The following SHANK2 variants were observed in gnomAD, a reference collection of about 807,000 sequenced individuals.
SHANK2 encodes SH3 and multiple ankyrin repeat domains protein 2.
In SHANK2, 43 loss-of-function variants were observed where a neutral mutation model predicts 133.7. The ratio of observed to expected loss-of-function variants is 0.32; its 90% CI spans 0.25 to 0.41. The LOEUF is 0.41. SHANK2 is among the 10% of genes least tolerant of loss of function. The pLI is 1.00. For missense variants in SHANK2, 1,994 were observed against 2,235.8 expected (o/e 0.89, Z 2.18); for synonymous variants, 1,017 against 952.8 (o/e 1.07, Z -1.24).
rs995951191 is a variant in SHANK2 at position 71,070,918 on chromosome 11, C to T, written c.1029+4241G>A. Among the ~76,000 whole-genome samples, 126 of 152,252 alleles carry T rather than the reference C, an allele frequency of 8.3e-4. 1 individual carries two copies. Among genetic ancestry groups the T allele is most frequent in the Admixed American group, 4.6e-4 (7 of 15,294 alleles). On this transcript the variant is annotated intron_variant, in intron 9 of 25. Transcript: ENST00000601538. The stretch of plus-strand genomic sequence containing the variant: ...AGCCAGCTTGGGACCCTCCTGGAGC[C>T]GGCAGCTGAGGCATAGGACAGATAT...
At chr11:70,833,748 G>A (rs1327660164) in intron 11 of SHANK2, among the ~76,000 whole-genome samples, 6 of 152,234 alleles carry the variant, frequency 3.9e-5, no homozygotes, top group Admixed American at 1.3e-4. Context: ...GTTTATTATT[G>A]CTGACTGTTC....
intron 17 of SHANK2, among the ~76,000 whole-genome samples, chr11:70,531,333 G>C (rs1360289846): frequency 6.6e-6 from 1 of 152,232 alleles, no homozygotes; most frequent in African/African-American, 2.4e-5. Context: ...TGTGCTGGGG[G>C]CTGGTGGTGG....
chr11:70,722,515 T>G (rs558411312), intron 14 of SHANK2, among the ~76,000 whole-genome samples: 1 of 152,370 alleles, frequency 6.6e-6, no homozygotes, highest in East Asian at 1.9e-4. Context: ...GATTGTTTTT[T>G]CTGACTGCAT....
At position 70,709,209 on chromosome 11, in the gene SHANK2, T is replaced by TCAAAA. The variant is rs560025660; in HGVS notation, c.1778-10451_1778-10447dup. Among the ~76,000 whole-genome samples, 38 of 152,254 alleles carry TCAAAA rather than the reference T, an allele frequency of 2.5e-4. 1 individual carries two copies. The highest frequency in any genetic ancestry group is 3.4e-3 in the Middle Eastern group (1 of 294). On this transcript the variant is annotated intron_variant, in intron 14 of 25. Transcript: ENST00000601538. The stretch of plus-strand genomic sequence containing the variant: ...CTGGGTGGCAGAGTGAGAACCTGTC[T>TCAAAA]CAAAACAAAACAAAACAAAACATAC...
chr11:70,766,814 C>T (rs1171299598), intron 14 of SHANK2, among the ~76,000 whole-genome samples: 2 of 152,178 alleles, frequency 1.3e-5, no homozygotes, highest in Non-Finnish European at 1.5e-5. Context: ...TTCCAATCAG[C>T]GATCATTTTG....
At chr11:70,944,118 C>CA (rs1950686121) in intron 10 of SHANK2, among the ~76,000 whole-genome samples, 1 of 152,244 alleles carries the variant, frequency 6.6e-6, no homozygotes, top group Admixed American at 6.5e-5. Flanking sequence ...GAGTATATAA[C>CA]AGCTACGTTT....
chr11:70,677,991 T>A (rs533922433), intron 15 of SHANK2, among the ~76,000 whole-genome samples: 1 of 152,300 alleles, frequency 6.6e-6, no homozygotes, highest in East Asian at 1.9e-4. Flanking sequence ...CCAGTTCATT[T>A]ATTTTGTTAG....
intron 15 of SHANK2, among the ~76,000 whole-genome samples, chr11:70,692,520 G>A (rs1555021281): frequency 6.6e-6 from 1 of 152,188 alleles, no homozygotes; most frequent in Non-Finnish European, 1.5e-5. Context: ...TAGGACCGGT[G>A]ATTTCTCAGC....
At chr11:70,580,224 GGTCATTAATAA>G (rs1292471759) in intron 17 of SHANK2, among the ~76,000 whole-genome samples, 3 of 152,212 alleles carry the variant, frequency 2.0e-5, no homozygotes, top group Non-Finnish European at 2.9e-5. Flanking sequence ...CCTCCCTTTT[GGTCATTAATAA>G]ACAGGGGCGT....
At chr11:71,163,093 A>AACATATATATAT in intron 2 of SHANK2, among the ~76,000 whole-genome samples, 1 of 84,678 alleles carries the variant, frequency 1.2e-5, no homozygotes, top group African/African-American at 4.6e-5. Context: ...AAAAAAAAAA[A>AACATATATATAT]ATACATATAT....
In SHANK2 at chr11:70,866,275, G is replaced by A. The variant is rs138176369; in HGVS notation, c.1174+30226C>T. The stretch of plus-strand genomic sequence containing the variant: ...GGGGCAGAGAGTGCAGCTCAGAGGA[G>A]CCACAGCCCATCGCACCCCGCGGCA... On this transcript the variant is annotated intron_variant, in intron 11 of 25. Transcript: ENST00000601538. Among the ~76,000 whole-genome samples, 242 of 152,204 alleles carry A rather than the reference G, an allele frequency of 1.6e-3. 3 individuals are homozygous for A. Among genetic ancestry groups the A allele is most frequent in the Admixed American group, 0.011 (170 of 15,292 alleles).
intron 2 of SHANK2, among the ~76,000 whole-genome samples, chr11:71,187,877 C>T (rs566574588): frequency 1.8e-4 from 27 of 152,332 alleles, no homozygotes; most frequent in Admixed American, 3.9e-4. Context: ...CTAAACTCAG[C>T]GCTTCCCTCC....
intron 1 of SHANK2, among the ~76,000 whole-genome samples, chr11:71,248,408 C>T (rs533083428): frequency 6.6e-6 from 1 of 152,224 alleles, no homozygotes; most frequent in South Asian, 2.1e-4. Context: ...CTTTCTCCAG[C>T]TGGGCAGCGT....
At chr11:71,197,981 C>T (rs1488992559) in intron 2 of SHANK2, among the ~76,000 whole-genome samples, 1 of 152,234 alleles carries the variant, frequency 6.6e-6, no homozygotes, top group Non-Finnish European at 1.5e-5. Flanking sequence ...CAAGTTCAAA[C>T]ACAGGGGCAG....
intron 10 of SHANK2, among the ~76,000 whole-genome samples, chr11:70,899,568 G>A (rs1291374367): frequency 6.6e-6 from 1 of 152,188 alleles, no homozygotes; most frequent in Non-Finnish European, 1.5e-5. Flanking sequence ...ATGTCTCCAG[G>A]CCACATTCAG....
At chr11:71,178,243 C>T (rs993449769) in intron 2 of SHANK2, among the ~76,000 whole-genome samples, 1 of 152,198 alleles carries the variant, frequency 6.6e-6, no homozygotes, top group Non-Finnish European at 1.5e-5. Context: ...TGGAATAAAA[C>T]TCAGTCTTAA....
intron 11 of SHANK2, among the ~76,000 whole-genome samples, chr11:70,861,984 AG>A (rs1239441981): frequency 1.1e-4 from 17 of 152,048 alleles, no homozygotes; most frequent in African/African-American, 3.1e-4. Context: ...AGCAGGGGGC[AG>A]GGGCAAAAAA....
intron 2 of SHANK2, among the ~76,000 whole-genome samples, chr11:71,161,121 C>T (rs1422437579): frequency 6.6e-6 from 1 of 152,156 alleles, no homozygotes; most frequent in Non-Finnish European, 1.5e-5. Flanking sequence ...GGGGATTGAA[C>T]ATGCCTCATT....
At chr11:71,152,703 A>G (rs1565482889) in intron 2 of SHANK2, among the ~76,000 whole-genome samples, 1 of 152,182 alleles carries the variant, frequency 6.6e-6, no homozygotes, top group Non-Finnish European at 1.5e-5. Context: ...GATTTCGTGC[A>G]GAAGCAGGTG....
Sources: allele counts gnomAD v4.1 joint callset (sites outside exome capture counted in the v4.1 genomes callset), GRCh38; gene constraint gnomAD v4.1.1; transcripts MANE v1.5; gene names NCBI Gene and HGNC (gene_info 2026-07-23, HGNC 2026-07-21).